Variants in HSH2D observed in about 807,000 individuals in gnomAD.
HSH2D encodes hematopoietic SH2 domain-containing protein.
Under a neutral mutation model 21.5 loss-of-function variants are expected in HSH2D, and 16 were observed. The observed-to-expected ratio is 0.74, with a 90% CI of 0.50 to 1.13. The LOEUF (loss-of-function observed/expected upper bound fraction) is 1.13. Among genes scored for constraint, HSH2D ranks in the 50% most tolerant of loss-of-function variants. The probability of loss-of-function intolerance (pLI) is 0.00; values close to 1 mark genes in which losing one functional copy is unlikely to be tolerated. For missense variants in HSH2D, 418 were observed against 441.4 expected (o/e 0.95, Z 0.47); for synonymous variants, 172 against 184.7 (o/e 0.93, Z 0.56).
In HSH2D at chr19:16,152,585, G is replaced by A; in HGVS notation, c.159G>A (p.Leu53=). 2 of 1,509,806 alleles carry A rather than the reference G, an allele frequency of 1.3e-6. No homozygotes were observed. Among genetic ancestry groups the A allele is most frequent in the Non-Finnish European group, 1.8e-6 (2 of 1,131,484 alleles). The allele number at this position is 1,509,806 out of a possible 1,614,324, so 93.5% of individuals were successfully genotyped here. Residue 53 remains leucine (L), a synonymous_variant, in exon 3 of 6, where the codon CTG becomes CTA. Transcript: ENST00000613986. ...AGAACTTGCTGGAGTCACAGCCACTGGGATCCTTTCTCATCAGGGTCAGTC... is the reference window on the plus strand; with the variant it reads ...AGAACTTGCTGGAGTCACAGCCACTAGGATCCTTTCTCATCAGGGTCAGTC... The part of the protein sequence containing the change: ...DAENLLESQP[L]GSFLIRVSHS...
intron 1 of HSH2D, among the ~76,000 whole-genome samples, chr19:16,146,180 T>C (rs546334825): frequency 6.6e-6 from 1 of 152,254 alleles, no homozygotes; most frequent in Admixed American, 6.5e-5. Context: ...TTAATAATGT[T>C]TTGCAAAACG....
In HSH2D at chr19:16,135,586, C is replaced by A. The variant is rs562039649; in HGVS notation, c.-324+1351C>A. ...CCTTCCTGGCTCACTCCACTCCAATCCTCTCCTTCCTTACTCCTTCACTCC... is the reference window on the plus strand; with the variant it reads ...CCTTCCTGGCTCACTCCACTCCAATACTCTCCTTCCTTACTCCTTCACTCC... On this transcript the variant is annotated intron_variant, in intron 1 of 7. Transcript: ENST00000616645. Among the ~76,000 whole-genome samples, 7 of 152,308 alleles carry A rather than the reference C, an allele frequency of 4.6e-5. No homozygotes were observed. In the South Asian group the frequency reaches 1.4e-3, roughly 32 times the overall value.
chr19:16,154,388 C>G lies in HSH2D; in HGVS notation c.382-11C>G. On this transcript the variant is annotated splice_polypyrimidine_tract_variant and intron_variant, in intron 4 of 5. Coordinates refer to ENST00000613986, the MANE Select transcript of HSH2D (RefSeq NM_001382417.1). ...CCTAGTGCTGAGCTACAGGCCCCTT[C>G]CGCCCTGCAGAAGGATCCCGCAAAC... The G allele has an allele frequency of 1.3e-6, 2 of 1,545,110 alleles. No individual in the cohort carries two copies. Among genetic ancestry groups the G allele is most frequent in the Non-Finnish European group, 1.8e-6 (2 of 1,142,430 alleles).
At chr19:16,142,834 G>A (rs138623072), upstream of HSH2D, among the ~76,000 whole-genome samples, 10 of 152,014 alleles carry the variant, frequency 6.6e-5, no homozygotes, top group East Asian at 9.7e-4. Flanking sequence ...GTGCAGTGGC[G>A]TGATCTCGGC....
At chr19:16,137,313 C>CATCATT (rs2090970345) in intron 1 of HSH2D, among the ~76,000 whole-genome samples, 1 of 152,052 alleles carries the variant, frequency 6.6e-6, no homozygotes, top group Admixed American at 6.6e-5. Context: ...CTGTCATCAT[C>CATCATT]ATCATTATCA....
At chr19:16,143,994 A>G (rs1189507276) in intron 1 of HSH2D, among the ~76,000 whole-genome samples, 1 of 152,120 alleles carries the variant, frequency 6.6e-6, no homozygotes, top group Non-Finnish European at 1.5e-5. Flanking sequence ...CAGCATGAGC[A>G]AAGGTATGGA....
At chr19:16,147,173 C>T (rs2145033810) in intron 1 of HSH2D, among the ~76,000 whole-genome samples, 1 of 152,062 alleles carries the variant, frequency 6.6e-6, no homozygotes, top group African/African-American at 2.4e-5. Context: ...ATAAAATGAA[C>T]TTTCTAGTCC....
In HSH2D at chr19:16,143,754, G is replaced by A. The variant is rs557795793; in HGVS notation, c.-48G>A. On this transcript the variant is annotated 5_prime_UTR_variant, in exon 1 of 6. Coordinates refer to ENST00000613986, the MANE Select transcript of HSH2D (RefSeq NM_001382417.1). ...CTGGCACAGCTACAGCGAGGGCCTC[G>A]GCCATCCAAGGGTCTCCCAGGTATG... 4.0e-5 allele frequency: 18 copies of A among 453,626 alleles called. No homozygotes were observed. The highest frequency in any genetic ancestry group is 1.4e-4 in the African/African-American group (7 of 50,014). 28.1% of individuals were successfully genotyped at this position (453,626 alleles called of 1,614,324 possible).
At chr19:16,154,061 T>C (rs146454428) in intron 4 of HSH2D, among the ~76,000 whole-genome samples, 6 of 127,254 alleles carry the variant, frequency 4.7e-5, no homozygotes, top group Non-Finnish European at 7.3e-5. Flanking sequence ...CTGCTGTGGG[T>C]GGGGCATCTT....
intron 5 of HSH2D, among the ~76,000 whole-genome samples, chr19:16,156,816 T>C (rs1475673013): frequency 1.3e-5 from 2 of 152,052 alleles, no homozygotes; most frequent in Non-Finnish European, 2.9e-5. Context: ...GGTGAAACCA[T>C]GTCTCTACTG....
intron 2 of HSH2D, among the ~76,000 whole-genome samples, chr19:16,152,284 G>A (rs1321315951): frequency 2.0e-5 from 3 of 151,906 alleles, no homozygotes; most frequent in East Asian, 1.9e-4. Context: ...CGGGCGTGGT[G>A]GCTGGCGCCT....
chr19:16,157,659 T>C lies in HSH2D; in HGVS notation c.924T>C (p.Ser308=). 1 of 1,612,796 alleles carries C rather than the reference T, an allele frequency of 6.2e-7. No homozygotes were observed. Among genetic ancestry groups the C allele is most frequent in the East Asian group, 2.2e-5 (1 of 44,800 alleles). The part of the protein sequence containing the change: ...SCIEVTPGDR[S]WHQMVVRALS... Reference sequence around the variant, plus strand: ...TTGAGGTGACCCCAGGGGACAGGAGTTGGCACCAAATGGTAGTGAGAGCCC... The same window carrying C: ...TTGAGGTGACCCCAGGGGACAGGAGCTGGCACCAAATGGTAGTGAGAGCCC... The change falls in exon 6 of 6, where the codon AGT becomes AGC. Residue 308 remains serine (S), a synonymous_variant. Transcript: ENST00000613986. The surrounding 1 kb of genome is among the most constrained non-coding windows in gnomAD (Gnocchi z 4.4).
Position 16,150,409 on chromosome 19 carries a change from C to T in HSH2D, c.125+1534C>T, listed in dbSNP as rs550262012. Among the ~76,000 whole-genome samples the T allele has an allele frequency of 3.7e-4, 56 of 151,830 alleles. 1 individual carries two copies. In the South Asian group the frequency reaches 0.011, roughly 31 times the overall value. The stretch of plus-strand genomic sequence containing the variant: ...ACAAAATTAGCCAGGCGTGGTGGCG[C>T]ATGCCTGTAATCCCAGCTACTCGAG... On this transcript the variant is annotated intron_variant, in intron 2 of 5. Transcript: ENST00000613986.
chr19:16,149,060 G>A (rs1568330126), intron 2 of HSH2D, among the ~76,000 whole-genome samples, 185 bp downstream of exon 2: 2 of 152,112 alleles, frequency 1.3e-5, no homozygotes, highest in African/African-American at 4.8e-5. Flanking sequence ...TGTGACCTGG[G>A]GCAAGTTACT....
chr19:16,157,157 C>A lies in HSH2D; in HGVS notation c.475-53C>A. ...CCCAGGCTCCAATTTCTGGGACAGA[C>A]ATGGTGCTCTGGTGGGCAAGCTGCC... On this transcript the variant is annotated intron_variant, in intron 5 of 5. Transcript: ENST00000613986. The surrounding 1 kb of genome is among the most constrained non-coding windows in gnomAD (Gnocchi z 4.4). 7.0e-7 allele frequency: 1 copy of A among 1,431,804 alleles called. No individual in the cohort carries two copies. The highest frequency in any genetic ancestry group is 9.4e-7 in the Non-Finnish European group (1 of 1,062,716). The allele number at this position is 1,431,804 out of a possible 1,614,324, so 88.7% of individuals were successfully genotyped here.
chr19:16,135,928 G>C (rs1280275243), intron 1 of HSH2D, among the ~76,000 whole-genome samples: 2 of 152,178 alleles, frequency 1.3e-5, no homozygotes, highest in African/African-American at 4.8e-5. Flanking sequence ...TCTAGGGTGA[G>C]CACAAGGGAG....
chr19:16,141,250 G>A (rs1301060724), upstream of HSH2D, among the ~76,000 whole-genome samples: 2 of 152,178 alleles, frequency 1.3e-5, no homozygotes, highest in Non-Finnish European at 1.5e-5. Flanking sequence ...TGACCACAGA[G>A]GGCAGACGAG....
chr19:16,141,053 C>G (rs534013531), upstream of HSH2D, among the ~76,000 whole-genome samples: 1 of 152,214 alleles, frequency 6.6e-6, no homozygotes, highest in African/African-American at 2.4e-5. Flanking sequence ...TTCTCTCACT[C>G]CCAACTCATC....
chr19:16,154,271 T>A (rs2091208337), intron 4 of HSH2D, 128 bp from the exon 5 acceptor site: 1 of 573,138 alleles, frequency 1.7e-6, no homozygotes, highest in Non-Finnish European at 3.1e-6. Context: ...TTATAACGCT[T>A]AGTGGGCGTG....
Sources: allele counts gnomAD v4.1 joint callset (sites outside exome capture counted in the v4.1 genomes callset), GRCh38; gene constraint gnomAD v4.1.1; non-coding constraint Gnocchi (gnomAD v3.1); transcripts MANE v1.5; gene names NCBI Gene and HGNC (gene_info 2026-07-23, HGNC 2026-07-21).